The following NAALADL2 variants were observed in gnomAD, a reference collection of about 807,000 sequenced individuals.
NAALADL2 encodes inactive N-acetylated-alpha-linked acidic dipeptidase-like protein 2.
NAALADL2 carries 76 observed loss-of-function variants against 87.2 expected under a neutral mutation model. That is an observed-to-expected ratio of 0.87 (90% CI 0.72 to 1.05). NAALADL2 has a LOEUF of 1.05. NAALADL2 is among the 50% of genes least tolerant of loss of function. NAALADL2 has a pLI of 0.00. For missense variants in NAALADL2, 1,089 were observed against 945.8 expected, an observed-to-expected ratio of 1.15 and a Z score of -1.99; for synonymous variants, 354 against 331.0, an observed-to-expected ratio of 1.07 and a Z score of -0.75.
chr3:175,587,763 C>T (rs1026544673), intron 10 of NAALADL2, among the ~76,000 whole-genome samples: 3 of 152,124 alleles, frequency 2.0e-5, no homozygotes, highest in African/African-American at 7.2e-5. Flanking sequence ...TTGACCCCGT[C>T]TCGTACCATG....
chr3:175,504,910 G>T (rs558840847), intron 9 of NAALADL2, among the ~76,000 whole-genome samples: 1 of 152,116 alleles, frequency 6.6e-6, no homozygotes, highest in African/African-American at 2.4e-5. Context: ...GTGTGTGGAT[G>T]ACACAATGAG....
In NAALADL2 at chr3:175,153,348, A is replaced by G. The variant is rs73883380; in HGVS notation, c.545+56057A>G. Among the ~76,000 whole-genome samples the G allele has an allele frequency of 6.0e-3, 914 of 152,238 alleles. 9 individuals carry two copies. The highest frequency in any genetic ancestry group is 0.021 in the African/African-American group (873 of 41,546). ...CCCATCTAACAAATGATGTTCTGTG[A>G]TGCAGTGAGGCCTACCTTACCCACA... On this transcript the variant is annotated intron_variant, in intron 2 of 13. Transcript: ENST00000454872.
intron 2 of NAALADL2, among the ~76,000 whole-genome samples, chr3:175,187,232 T>G (rs903976272): frequency 3.9e-5 from 6 of 152,144 alleles, no homozygotes; most frequent in African/African-American, 1.4e-4. Flanking sequence ...CTACCATGCT[T>G]CTTATAATTG....
Position 174,859,965 on chromosome 3 carries a change from T to C in NAALADL2, c.43+515T>C, listed in dbSNP as rs145360472. Among the ~76,000 whole-genome samples, 3 of 152,266 alleles carry C rather than the reference T, an allele frequency of 2.0e-5. No homozygotes were observed. In the East Asian group the frequency reaches 5.8e-4, roughly 29 times the overall value. ...GGCGAGCCTATCAGTTAGGAGGCTG[T>C]GATTTATTTCACAGGTGTTGCTTAA... On this transcript the variant is annotated intron_variant, in intron 1 of 13. Transcript: ENST00000454872.
intron 8 of NAALADL2, among the ~76,000 whole-genome samples, chr3:175,467,907 GAT>G (rs1168502903): frequency 6.6e-5 from 10 of 152,190 alleles, no homozygotes; most frequent in Non-Finnish European, 2.9e-5. Flanking sequence ...TAATTGGATT[GAT>G]AGAAAGTCTA....
rs980120416 is a variant in NAALADL2, at chr3:174,838,271, A to C, written c.-9+100525A>C. Among the ~76,000 whole-genome samples the C allele has an allele frequency of 6.6e-5, 10 of 152,314 alleles. No individual in the cohort carries two copies. In the South Asian group the frequency reaches 1.0e-3, roughly 16 times the overall value. On this transcript the variant is annotated intron_variant, in intron 3 of 3. Transcript: ENST00000434257. Reference sequence around the variant, plus strand: ...ATCATCATCACAATAGATGCAGACAAATCCTTCGACAAAATCCAGCATGAC... The same window carrying C: ...ATCATCATCACAATAGATGCAGACACATCCTTCGACAAAATCCAGCATGAC...
intron 1 of NAALADL2, among the ~76,000 whole-genome samples, chr3:174,990,218 ATAT>A (rs1746528201): frequency 1.3e-5 from 2 of 152,134 alleles, no homozygotes; most frequent in Non-Finnish European, 2.9e-5. Flanking sequence ...GAAACTATTG[ATAT>A]AATGTTTCTT....
chr3:175,578,042 G>C (rs1013861721), intron 10 of NAALADL2, among the ~76,000 whole-genome samples: 1 of 152,050 alleles, frequency 6.6e-6, no homozygotes, highest in Non-Finnish European at 1.5e-5. Context: ...GGAATTAGGA[G>C]GCCTGAAATT....
rs1242496653 is a variant in NAALADL2, at chr3:175,764,899, T to TAA, written c.2189+9482_2189+9483dup. 2.6e-5 allele frequency among the ~76,000 whole-genome samples: 4 copies of TAA among 152,262 alleles called. No homozygotes were observed. The East Asian group carries it at 5.8e-4, about 22-fold the overall frequency. On this transcript the variant is annotated intron_variant, in intron 13 of 13. Coordinates refer to ENST00000454872, the MANE Select transcript of NAALADL2 (RefSeq NM_207015.3). ...GGTGTTTTAATTAGAGTTGGTTATG[T>TAA]AAGTCCCAAAAGGACCTCATGTTCC...
chr3:175,025,001 T>TA (rs1444927843), intron 1 of NAALADL2, among the ~76,000 whole-genome samples: 1 of 152,160 alleles, frequency 6.6e-6, no homozygotes, highest in Non-Finnish European at 1.5e-5. Flanking sequence ...AAGTATCTGT[T>TA]ACCTTTTGAG....
chr3:175,711,362 G>T (rs984425077), intron 11 of NAALADL2, among the ~76,000 whole-genome samples: 18 of 151,906 alleles, frequency 1.2e-4, no homozygotes, highest in African/African-American at 4.3e-4. Context: ...CGTACTTTGA[G>T]TCATCATTCA....
chr3:175,674,479 C>T (rs977701235), intron 11 of NAALADL2, among the ~76,000 whole-genome samples: 6 of 151,804 alleles, frequency 4.0e-5, no homozygotes, highest in South Asian at 2.1e-4. Flanking sequence ...TTAGCCAGGA[C>T]GGTCTTGATC....
At chr3:175,219,868 CTTT>C (rs201278819) in intron 2 of NAALADL2, among the ~76,000 whole-genome samples, 1 of 116,456 alleles carries the variant, frequency 8.6e-6, no homozygotes, top group Non-Finnish European at 1.7e-5. Context: ...GGTTTTCTTT[CTTT>C]TTTTTTTTTT....
intron 1 of NAALADL2, among the ~76,000 whole-genome samples, chr3:174,919,685 C>A (rs531020258): frequency 1.9e-4 from 29 of 152,244 alleles, no homozygotes; most frequent in African/African-American, 6.3e-4. Context: ...AACCTCCTCC[C>A]GTAAGTCATG....
At chr3:175,679,574 G>A (rs1022814493) in intron 11 of NAALADL2, among the ~76,000 whole-genome samples, 2 of 152,182 alleles carry the variant, frequency 1.3e-5, no homozygotes, top group African/African-American at 4.8e-5. Context: ...GAATATAGTT[G>A]TGTGTGTGCC....
chr3:175,415,814 TA>T (rs879337760), intron 5 of NAALADL2, among the ~76,000 whole-genome samples: 491 of 144,424 alleles, frequency 3.4e-3, no homozygotes, highest in African/African-American at 6.7e-3. Context: ...TTTTATACAT[TA>T]AAAAAAAAAA....
intron 13 of NAALADL2, among the ~76,000 whole-genome samples, chr3:175,790,006 T>C (rs1752583896): frequency 6.6e-6 from 1 of 152,088 alleles, no homozygotes; most frequent in Non-Finnish European, 1.5e-5. Flanking sequence ...AATGTAACAA[T>C]TATTTAGTTA....
At chr3:174,469,468 T>G (rs7638045) in intron 1 of NAALADL2, among the ~76,000 whole-genome samples, 63,229 of 150,288 alleles carry the variant, frequency 0.42, 14,353 homozygotes, top group East Asian at 0.88. Flanking sequence ...TCGCTCTGTC[T>G]CCCAGACTGG....
intron 1 of NAALADL2, among the ~76,000 whole-genome samples, chr3:174,907,488 T>C (rs552764265): frequency 1.1e-4 from 16 of 152,212 alleles, no homozygotes; most frequent in South Asian, 4.1e-4. Context: ...TCATTTGTAC[T>C]AATATTTCAA....
Sources: gnomAD v4.1 joint callset for allele counts (sites outside exome capture counted in the v4.1 genomes callset) on GRCh38, gnomAD v4.1.1 for gene constraint, MANE v1.5 for transcripts, NCBI Gene and HGNC (gene_info 2026-07-23, HGNC 2026-07-21) for gene names.